The following TCF4 variants were observed in gnomAD, a reference collection of about 807,000 sequenced individuals.
TCF4 encodes transcription factor 4.
TCF4 carries 3 observed loss-of-function variants against 82.1 expected under a neutral mutation model. That is an observed-to-expected ratio of 0.04 (90% CI 0.02 to 0.09). The LOEUF (loss-of-function observed/expected upper bound fraction) is 0.09. TCF4 is among the 10% of genes least tolerant of loss of function. The pLI, the probability that TCF4 is intolerant of heterozygous loss-of-function variation, is 1.00. For synonymous variants in TCF4, 276 were observed against 309.6 expected, an observed-to-expected ratio of 0.89 and a Z score of 1.14; for missense variants, 518 against 852.7, an observed-to-expected ratio of 0.61 and a Z score of 4.89.
chr18:55,558,806 G>A (rs946803888), intron 3 of TCF4, among the ~76,000 whole-genome samples: 3 of 152,060 alleles, frequency 2.0e-5, no homozygotes, highest in African/African-American at 7.2e-5. Flanking sequence ...ATGGCACAAT[G>A]AGGCTTTATG....
At chr18:55,419,290 T>C (rs2094639507) in intron 5 of TCF4, among the ~76,000 whole-genome samples, 1 of 152,162 alleles carries the variant, frequency 6.6e-6, no homozygotes, top group South Asian at 2.1e-4. Context: ...GCTTATGGAC[T>C]CCAACAGAAG....
chr18:55,483,511 A>G (rs2096471506), intron 3 of TCF4, among the ~76,000 whole-genome samples: 1 of 152,258 alleles, frequency 6.6e-6, no homozygotes, highest in African/African-American at 2.4e-5. Context: ...TCTCAAGCTC[A>G]GTGATTTCTA....
chr18:55,308,478 C>T (rs2071131763), intron 8 of TCF4, among the ~76,000 whole-genome samples: 2 of 152,180 alleles, frequency 1.3e-5, no homozygotes, highest in East Asian at 3.8e-4. Context: ...CTCTCGGGAG[C>T]ATTCTACCCA....
At chr18:55,439,125 T>C (rs1026550677) in intron 5 of TCF4, among the ~76,000 whole-genome samples, 1 of 152,182 alleles carries the variant, frequency 6.6e-6, no homozygotes, top group African/African-American at 2.4e-5. Context: ...TTTGAAAGTA[T>C]AGCCTCTTGC....
intron 8 of TCF4, among the ~76,000 whole-genome samples, chr18:55,323,439 G>A (rs966524561): frequency 5.3e-5 from 8 of 152,098 alleles, no homozygotes; most frequent in Non-Finnish European, 1.0e-4. Context: ...ATGGTGGAAA[G>A]TTTCCCCACT....
At chr18:55,389,926 G>A (rs2146105843) in intron 6 of TCF4, among the ~76,000 whole-genome samples, 1 of 152,064 alleles carries the variant, frequency 6.6e-6, no homozygotes, top group South Asian at 2.1e-4. Context: ...TTGGAGATGA[G>A]GGAGACCGAG....
chr18:55,308,497 G>A (rs2071145466), intron 8 of TCF4, among the ~76,000 whole-genome samples: 1 of 152,218 alleles, frequency 6.6e-6, no homozygotes, highest in African/African-American at 2.4e-5. Flanking sequence ...CAAAGGTCTT[G>A]TCTAACTGTA....
intron 1 of TCF4, among the ~76,000 whole-genome samples, chr18:55,634,006 C>T (rs2097733834): frequency 6.6e-6 from 1 of 152,216 alleles, no homozygotes; most frequent in Non-Finnish European, 1.5e-5. Context: ...CAGTGGCTCA[C>T]ACCTGTAATC....
At chr18:55,508,099 G>C (rs1039438421) in intron 3 of TCF4, among the ~76,000 whole-genome samples, 1 of 152,020 alleles carries the variant, frequency 6.6e-6, no homozygotes, top group Non-Finnish European at 1.5e-5. Context: ...AAGGCAGCCG[G>C]GGAAATGTAC....
chr18:55,621,561 T>TTA lies in TCF4; in HGVS notation c.286+9735_286+9736dup, dbSNP rs368033246. Among the ~76,000 whole-genome samples, 31 of 3,758 alleles carry TTA rather than the reference T, an allele frequency of 8.2e-3. 3 individuals are homozygous for TTA. Among genetic ancestry groups the TTA allele is most frequent in the Non-Finnish European group, 0.012 (25 of 2,156 alleles). The allele number at this position is 3,758 out of a possible 152,430, so 2.5% of individuals were successfully genotyped here. A position where few individuals can be genotyped will look rare whatever the true frequency, so the allele number is the denominator to read the frequency against. Reference sequence around the variant, plus strand: ...TATATTATATTATATATTATGTACATTATATAATATTATATAATATATATA... The same window carrying TTA: ...TATATTATATTATATATTATGTACATTATATATAATATTATATAATATATATA... On this transcript the variant is annotated intron_variant, in intron 2 of 20. Coordinates refer to the TCF4 transcript ENST00000398339.
At chr18:55,451,709 G>T (rs1258638068) in intron 5 of TCF4, among the ~76,000 whole-genome samples, 1 of 152,160 alleles carries the variant, frequency 6.6e-6, no homozygotes, top group Non-Finnish European at 1.5e-5. Flanking sequence ...TGAGAGGTTT[G>T]AGAAACACAA....
At chr18:55,361,459 C>T (rs2085174816) in intron 6 of TCF4, among the ~76,000 whole-genome samples, 1 of 152,320 alleles carries the variant, frequency 6.6e-6, no homozygotes, top group South Asian at 2.1e-4. Context: ...GCTCACGGTT[C>T]CCTAATTACT....
At chr18:55,493,126 A>T (rs1209807159) in intron 3 of TCF4, among the ~76,000 whole-genome samples, 2 of 152,208 alleles carry the variant, frequency 1.3e-5, no homozygotes, top group Non-Finnish European at 2.9e-5. Flanking sequence ...AGTATTTTTC[A>T]AGACGACAGG....
chr18:55,485,305 A>T (rs2096497889), intron 3 of TCF4, among the ~76,000 whole-genome samples: 1 of 152,156 alleles, frequency 6.6e-6, no homozygotes, highest in Non-Finnish European at 1.5e-5. Flanking sequence ...AGCTGAAAAC[A>T]TCCTAAAATA....
chr18:55,359,002 T>C (rs1466757866), intron 6 of TCF4, among the ~76,000 whole-genome samples: 1 of 152,220 alleles, frequency 6.6e-6, no homozygotes, highest in Admixed American at 6.5e-5. Flanking sequence ...TCTTACTATA[T>C]ACTAATACAG....
intron 13 of TCF4, among the ~76,000 whole-genome samples, chr18:55,259,298 A>G (rs1380499287): frequency 6.6e-6 from 1 of 152,166 alleles, no homozygotes; most frequent in Non-Finnish European, 1.5e-5. Flanking sequence ...AAGCATTTAT[A>G]TTGGAAAGAC....
chr18:55,498,557 G>A (rs1340470284), intron 3 of TCF4, among the ~76,000 whole-genome samples: 3 of 152,108 alleles, frequency 2.0e-5, no homozygotes, highest in Admixed American at 6.6e-5. Flanking sequence ...ACAAGACTTC[G>A]CCATAAGATA....
intron 11 of TCF4, chr18:55,265,674 T>G (rs1243344437): frequency 6.6e-6 from 1 of 152,188 alleles, no homozygotes; most frequent in Non-Finnish European, 1.5e-5. Flanking sequence ...AAAGTGAACA[T>G]TATGTGACTA....
intron 3 of TCF4, among the ~76,000 whole-genome samples, chr18:55,480,596 T>C (rs1233019663): frequency 6.6e-6 from 1 of 152,232 alleles, no homozygotes; most frequent in African/African-American, 2.4e-5. Context: ...GAAAGGTTCA[T>C]GATTAACCTA....
Sources: allele counts gnomAD v4.1 joint callset (sites outside exome capture counted in the v4.1 genomes callset), GRCh38; gene constraint gnomAD v4.1.1; transcripts MANE v1.5; gene names NCBI Gene and HGNC (gene_info 2026-07-23, HGNC 2026-07-21).